Variants in DMD observed in about 807,000 individuals in gnomAD.
DMD encodes dystrophin, also known as mutant dystrophin.
DMD carries 63 observed loss-of-function variants against 330.1 expected under a neutral mutation model. That is an observed-to-expected ratio of 0.19 (90% CI 0.16 to 0.24). The LOEUF (loss-of-function observed/expected upper bound fraction) is 0.24. Ranked by LOEUF, DMD falls within the 10% of genes least tolerant of loss-of-function variation. DMD has a pLI of 1.00. For missense variants in DMD, 3,344 were observed against 2,684.1 expected, an observed-to-expected ratio of 1.25 and a Z score of -5.43; for synonymous variants, 1,223 against 959.8, an observed-to-expected ratio of 1.27 and a Z score of -5.07.
At chrX:32,305,497 A>G (rs1372651723) in intron 42 of DMD, among the ~76,000 whole-genome samples, 3 of 111,221 alleles carry the variant, frequency 2.7e-5, no homozygotes, top group Non-Finnish European at 5.7e-5. Flanking sequence ...TGACCAGAGA[A>G]ATATATCTGC....
At chrX:32,861,292 G>A (rs1242343578) in intron 2 of DMD, among the ~76,000 whole-genome samples, 2 of 112,142 alleles carry the variant, frequency 1.8e-5, no homozygotes, top group African/African-American at 6.5e-5. Flanking sequence ...TGGCCTCAAA[G>A]TAACAGAAGG....
intron 4 of DMD, among the ~76,000 whole-genome samples, chrX:32,825,042 C>T (rs2078586554): frequency 9.0e-6 from 1 of 111,601 alleles, no homozygotes; most frequent in Admixed American, 9.5e-5. Context: ...TGGCTATCTG[C>T]CAGGCAATGA....
chrX:31,594,110 T>C (rs1311801194), intron 55 of DMD, among the ~76,000 whole-genome samples: 1 of 111,232 alleles, frequency 9.0e-6, no homozygotes, highest in Non-Finnish European at 1.9e-5. Flanking sequence ...TTGGCCTAAA[T>C]AATTCCTTGT....
At chrX:32,838,804 G>C (rs1263138168) in intron 4 of DMD, among the ~76,000 whole-genome samples, 1 of 112,051 alleles carries the variant, frequency 8.9e-6, no homozygotes, top group African/African-American at 3.2e-5. Flanking sequence ...TGGAGAAATA[G>C]GAATGCTTTT....
At chrX:32,972,526 T>C (rs1325976034) in intron 2 of DMD, among the ~76,000 whole-genome samples, 1 of 111,606 alleles carries the variant, frequency 9.0e-6, no homozygotes, top group Non-Finnish European at 1.9e-5. Context: ...AGGAGGAAAA[T>C]AAGTAGGTCT....
At chrX:31,802,415 T>C (rs1326322461) in intron 50 of DMD, among the ~76,000 whole-genome samples, 2 of 111,504 alleles carry the variant, frequency 1.8e-5, no homozygotes, top group Non-Finnish European at 3.8e-5. Flanking sequence ...ATGTTTTCTC[T>C]AGGCAAATCA....
intron 47 of DMD, among the ~76,000 whole-genome samples, chrX:31,926,498 A>G (rs777544808): frequency 1.8e-5 from 2 of 110,032 alleles, no homozygotes; most frequent in Non-Finnish European, 3.8e-5. Flanking sequence ...GACATGGCGA[A>G]CCCTCCATCT....
chrX:33,227,491 G>A (rs891146193), intron 1 of DMD, among the ~76,000 whole-genome samples: 3 of 110,918 alleles, frequency 2.7e-5, no homozygotes, highest in African/African-American at 9.8e-5. Context: ...CGATTGCGGT[G>A]CCTAAAGCTC....
rs994544733 is a variant in DMD at position 31,209,472 on chromosome X, G to A, written c.9563+26C>T. ...CGCTAAGCCTCCTGTGACAGAGCCC[G>A]GGAAATAAAAACATGCCATACGTAC... On this transcript the variant is annotated intron_variant, in intron 65 of 78. Coordinates refer to ENST00000357033, the MANE Select transcript of DMD (RefSeq NM_004006.3). The A allele has an allele frequency of 5.0e-6, 6 of 1,196,283 alleles. 1 individual carries two copies. The East Asian group carries it at 8.9e-5, about 18-fold the overall frequency.
rs551220760 is a variant in DMD, at chrX:32,126,532, A to G, written c.6438+90384T>C. On this transcript the variant is annotated intron_variant, in intron 44 of 78. Coordinates refer to ENST00000357033, the MANE Select transcript of DMD (RefSeq NM_004006.3). The stretch of plus-strand genomic sequence containing the variant: ...GAGTTTCTAGTGTTTTGTTCCTTTG[A>G]AATATGTAACCTTAACCAGATGTTT... Among the ~76,000 whole-genome samples, 41 of 111,445 alleles carry G rather than the reference A, an allele frequency of 3.7e-4. 1 individual carries two copies. The South Asian group carries it at 0.015, about 41-fold the overall frequency.
chrX:32,524,703 T>A (rs1033715844), intron 17 of DMD, among the ~76,000 whole-genome samples: 5 of 112,241 alleles, frequency 4.5e-5, no homozygotes, highest in African/African-American at 1.6e-4. Flanking sequence ...TGGCACGTAG[T>A]TCTGATAATT....
chrX:31,456,082 T>TCC (rs1491038988), intron 59 of DMD, among the ~76,000 whole-genome samples: 1 of 109,088 alleles, frequency 9.2e-6, no homozygotes, highest in Non-Finnish European at 1.9e-5. Flanking sequence ...TCTCTCTCTC[T>TCC]CCCTGCCTCC....
intron 38 of DMD, among the ~76,000 whole-genome samples, chrX:32,347,759 T>C (rs1219650737): frequency 9.0e-6 from 1 of 111,460 alleles, no homozygotes; most frequent in Non-Finnish European, 1.9e-5. Context: ...AAAAGTCAGT[T>C]AATAAGGATG....
At chrX:33,005,737 A>G (rs751388875) in intron 2 of DMD, among the ~76,000 whole-genome samples, 9 of 110,974 alleles carry the variant, frequency 8.1e-5, no homozygotes, top group East Asian at 2.9e-4. Flanking sequence ...CTCTTTTTCA[A>G]CATCATATTG....
intron 1 of DMD, among the ~76,000 whole-genome samples, chrX:33,023,097 TTA>T (rs1197172818): frequency 8.9e-6 from 1 of 112,046 alleles, no homozygotes; most frequent in Non-Finnish European, 1.9e-5. Context: ...AATTTTCGTC[TTA>T]TATATCATTA....
intron 51 of DMD, among the ~76,000 whole-genome samples, chrX:31,762,143 G>C (rs2089645093): frequency 8.9e-6 from 1 of 112,478 alleles, no homozygotes; most frequent in Admixed American, 9.4e-5. Context: ...GGGGCTGCCA[G>C]AAAAGCACTG....
intron 43 of DMD, among the ~76,000 whole-genome samples, chrX:32,240,934 A>G (rs2097206172): frequency 1.8e-5 from 2 of 111,551 alleles, no homozygotes; most frequent in African/African-American, 6.5e-5. Context: ...TCTCGGGAAT[A>G]TATGGCCTTC....
intron 1 of DMD, among the ~76,000 whole-genome samples, chrX:33,146,230 A>G (rs2048024748): frequency 9.0e-6 from 1 of 110,525 alleles, no homozygotes; most frequent in African/African-American, 3.3e-5. Context: ...CATTTTCGTC[A>G]GCCCAAAAAA....
rs780707102 is a variant in DMD at position 31,242,012 on chromosome X, T to C, written c.9287-18891A>G. Among the ~76,000 whole-genome samples the C allele has an allele frequency of 3.6e-5, 4 of 110,379 alleles. No homozygotes were observed. The South Asian group carries it at 1.6e-3, about 43-fold the overall frequency. On this transcript the variant is annotated intron_variant, in intron 63 of 78. Transcript: ENST00000357033. ...TGGCTCATTCTTGTAATCCCAGCAC[T>C]TTAGGAAGCCGAGATGGGCAGATGG...
Sources: gnomAD v4.1 joint callset for allele counts (sites outside exome capture counted in the v4.1 genomes callset) on GRCh38, gnomAD v4.1.1 for gene constraint, MANE v1.5 for transcripts, NCBI Gene and HGNC (gene_info 2026-07-23, HGNC 2026-07-21) for gene names.